SPTBN1: variants seen among roughly 807,000 people sequenced by gnomAD.
SPTBN1 encodes spectrin beta chain, non-erythrocytic 1.
In SPTBN1, 32 loss-of-function variants were observed where a neutral mutation model predicts 266.4. The ratio of observed to expected loss-of-function variants is 0.12; its 90% CI spans 0.09 to 0.16. The LOEUF (loss-of-function observed/expected upper bound fraction) is 0.16, where lower values mean the gene tolerates loss of function less well. SPTBN1 is among the 10% of genes least tolerant of loss of function. The pLI, the probability that SPTBN1 is intolerant of heterozygous loss-of-function variation, is 1.00. For missense variants in SPTBN1, 2,296 were observed against 3,067.1 expected, an observed-to-expected ratio of 0.75 and a Z score of 5.94; for synonymous variants, 1,336 against 1,162.2, an observed-to-expected ratio of 1.15 and a Z score of -3.04.
Position 54,526,416 on chromosome 2 carries a change from A to C in SPTBN1, c.-3A>C, listed in dbSNP as rs374756456. On this transcript the variant is annotated 5_prime_UTR_variant, in exon 2 of 36. Transcript: ENST00000356805. The stretch of plus-strand genomic sequence containing the variant: ...TGTGGAGGAGCAGCTGAGACAGTTC[A>C]AGATGACGACCACAGTAGCCACAGA... 2.5e-5 allele frequency: 41 copies of C among 1,613,898 alleles called. No individual in the cohort carries two copies. Among genetic ancestry groups the C allele is most frequent in the Non-Finnish European group, 3.2e-5 (38 of 1,179,976 alleles).
At chr2:54,612,120 T>C in intron 3 of SPTBN1, 41 bp from the exon 4 acceptor site, 1 of 1,540,174 alleles carries the variant, frequency 6.5e-7, no homozygotes, top group Non-Finnish European at 8.8e-7. Flanking sequence ...ATCTCTACTC[T>C]GTTGGGTGAT....
chr2:54,608,067 A>G (rs1676965840), intron 3 of SPTBN1, among the ~76,000 whole-genome samples: 1 of 152,084 alleles, frequency 6.6e-6, no homozygotes, highest in African/African-American at 2.4e-5. Flanking sequence ...AATTGCGTGT[A>G]CCTGGGTTGC....
Position 54,649,408 on chromosome 2 carries a change from G to T in SPTBN1, c.5203-207G>T, listed in dbSNP as rs572282414. Among the ~76,000 whole-genome samples the T allele has an allele frequency of 6.6e-6, 1 of 152,292 alleles. No individual in the cohort carries two copies. Among genetic ancestry groups the T allele is most frequent in the East Asian group, 1.9e-4 (1 of 5,188 alleles). On this transcript the variant is annotated intron_variant, in intron 25 of 35. Transcript: ENST00000356805. This position sits in a 1 kb window ranked among gnomAD's most constrained non-coding sequence, Gnocchi z 6.7. The stretch of plus-strand genomic sequence containing the variant: ...CTTCCTCCGGTAGTAAAAGGAGGTG[G>T]AGGTAGTGCCTCACTCTGCTGCAGT...
At position 54,649,542 on chromosome 2, in the gene SPTBN1, A is replaced by G; in HGVS notation, c.5203-73A>G. The G allele has an allele frequency of 6.5e-7, 1 of 1,540,038 alleles. No individual in the cohort carries two copies. The highest frequency in any genetic ancestry group is 8.8e-7 in the Non-Finnish European group (1 of 1,141,584). On this transcript the variant is annotated intron_variant, in intron 25 of 35. Transcript: ENST00000356805. This position sits in a 1 kb window ranked among gnomAD's most constrained non-coding sequence, Gnocchi z 6.7. ...TTGCTTAGAGGCAGTTTCTTTCCAA[A>G]GGGTATTCATGTGATCAAGAAATAC...
Position 54,628,885 on chromosome 2 carries a change from A to G in SPTBN1, c.1799-48A>G, listed in dbSNP as rs746839215. 6.5e-6 allele frequency: 10 copies of G among 1,535,974 alleles called. No individual in the cohort carries two copies. In the South Asian group the frequency reaches 1.3e-4, roughly 20 times the overall value. On this transcript the variant is annotated intron_variant, in intron 13 of 35. Coordinates refer to ENST00000356805, the MANE Select transcript of SPTBN1 (RefSeq NM_003128.3). The surrounding 1 kb of genome is among the most constrained non-coding windows in gnomAD (Gnocchi z 4.3). ...ACTGCCTGCCAGTGAGCCTGCACCC[A>G]TGCTGAGCTCCCTCACACAGCCACG...
intron 2 of SPTBN1, among the ~76,000 whole-genome samples, chr2:54,569,406 G>A (rs905920675): frequency 3.0e-4 from 45 of 152,046 alleles, no homozygotes; most frequent in African/African-American, 9.7e-4. Context: ...CAGTATTGAC[G>A]CCCTGAAAAG....
At chr2:54,470,933 A>G (rs1456594654) in intron 1 of SPTBN1, among the ~76,000 whole-genome samples, 1 of 152,228 alleles carries the variant, frequency 6.6e-6, no homozygotes, top group Non-Finnish European at 1.5e-5. Flanking sequence ...AAACTTTCTT[A>G]AAACATTATG....
intron 3 of SPTBN1, among the ~76,000 whole-genome samples, chr2:54,601,868 A>G (rs895774835): frequency 6.6e-6 from 1 of 152,160 alleles, no homozygotes; most frequent in African/African-American, 2.4e-5. Context: ...GACCCAGACA[A>G]TTCCACCCTC....
chr2:54,592,330 C>T (rs985472937), intron 2 of SPTBN1, among the ~76,000 whole-genome samples: 3 of 151,930 alleles, frequency 2.0e-5, no homozygotes, highest in Admixed American at 6.6e-5. Context: ...TTTTTTTTAA[C>T]CATTAAGCAA....
intron 1 of SPTBN1, among the ~76,000 whole-genome samples, chr2:54,514,699 C>T (rs1486774966): frequency 6.6e-6 from 1 of 152,140 alleles, no homozygotes; most frequent in Non-Finnish European, 1.5e-5. Flanking sequence ...GAGAAATGTG[C>T]TCTTCATCTT....
chr2:54,477,981 C>A (rs886652466), intron 1 of SPTBN1, among the ~76,000 whole-genome samples: 1 of 152,040 alleles, frequency 6.6e-6, no homozygotes. Context: ...CAGAGAAAAC[C>A]TTCTTCAGAG....
intron 2 of SPTBN1, among the ~76,000 whole-genome samples, chr2:54,570,521 A>G (rs904918454): frequency 2.0e-5 from 3 of 152,200 alleles, no homozygotes; most frequent in East Asian, 1.9e-4. Flanking sequence ...CATAGGTGGT[A>G]TCTTTATTTG....
At chr2:54,596,048 G>A (rs770793692) in intron 2 of SPTBN1, among the ~76,000 whole-genome samples, 9 of 152,088 alleles carry the variant, frequency 5.9e-5, no homozygotes, top group African/African-American at 1.4e-4. Context: ...AAGCAACCAC[G>A]GTTGCTTCAT....
chr2:54,503,934 A>G (rs1267336049), intron 1 of SPTBN1, among the ~76,000 whole-genome samples: 2 of 152,228 alleles, frequency 1.3e-5, no homozygotes, highest in African/African-American at 4.8e-5. Flanking sequence ...AACAAACCAT[A>G]TTCTGCAGCC....
chr2:54,625,983 G>A lies in SPTBN1; in HGVS notation c.1393G>A (p.Glu465Lys). 2 of 1,614,124 alleles carry A rather than the reference G, an allele frequency of 1.2e-6. No homozygotes were observed. The highest frequency in any genetic ancestry group is 8.5e-7 in the Non-Finnish European group (1 of 1,179,994). The change falls in exon 12 of 36, where the codon GAG (glutamate) becomes AAG (lysine). Residue 465 changes from glutamate to lysine, a missense_variant. Coordinates refer to ENST00000356805, the MANE Select transcript of SPTBN1 (RefSeq NM_003128.3). Reference protein sequence around the residue: ...PAVEAATKKHEAIETDIAAYE... With the variant: ...PAVEAATKKHKAIETDIAAYE... ...AGTTGAGGCCGCCACAAAAAAGCAC[G>A]AGGCCATTGAGACAGACATTGCCGC... is the stretch of plus-strand genomic sequence containing the variant.
chr2:54,457,136 G>A (rs1693086452), intron 1 of SPTBN1: 2 of 108,884 alleles, frequency 1.8e-5, no homozygotes, highest in Admixed American at 1.8e-4. Context: ...CCCTGCGCTT[G>A]CTACCCTCGT....
chr2:54,582,536 C>T (rs1347264540), intron 2 of SPTBN1, among the ~76,000 whole-genome samples: 1 of 150,076 alleles, frequency 6.7e-6, no homozygotes, highest in Non-Finnish European at 1.5e-5. Context: ...TGCACTCCAG[C>T]CTGGGTGACA....
intron 1 of SPTBN1, among the ~76,000 whole-genome samples, chr2:54,519,720 T>A (rs979293341): frequency 1.3e-5 from 2 of 152,154 alleles, no homozygotes; most frequent in African/African-American, 4.8e-5. Flanking sequence ...TGGAATTACA[T>A]TTTAGCACGG....
At chr2:54,569,355 C>T (rs1673899103) in intron 2 of SPTBN1, among the ~76,000 whole-genome samples, 1 of 152,110 alleles carries the variant, frequency 6.6e-6, no homozygotes, top group South Asian at 2.1e-4. Context: ...CTGTTCCTTC[C>T]TGTTACTCTA....
Sources: gnomAD v4.1 joint callset for allele counts (sites outside exome capture counted in the v4.1 genomes callset) on GRCh38, gnomAD v4.1.1 for gene constraint, Gnocchi (gnomAD v3.1) non-coding constraint, MANE v1.5 for transcripts, NCBI Gene and HGNC (gene_info 2026-07-23, HGNC 2026-07-21) for gene names.